CCDC15: variants seen among roughly 807,000 people sequenced by gnomAD.
The protein encoded by CCDC15 is coiled-coil domain-containing protein 15.
CCDC15 carries 105 observed loss-of-function variants against 114.5 expected under a neutral mutation model. That is an observed-to-expected ratio of 0.92 (90% CI 0.78 to 1.08). The LOEUF is 1.08. Ranked by LOEUF, CCDC15 falls within the 50% of genes least tolerant of loss-of-function variation. The pLI, the probability that CCDC15 is intolerant of heterozygous loss-of-function variation, is 0.00. For synonymous variants in CCDC15, 334 were observed against 377.8 expected (o/e 0.88, Z 1.34); for missense variants, 1,105 against 1,093.6 (o/e 1.01, Z -0.15).
intron 13 of CCDC15, among the ~76,000 whole-genome samples, chr11:125,027,881 G>A (rs971620946): frequency 5.3e-5 from 8 of 152,086 alleles, no homozygotes; most frequent in African/African-American, 1.9e-4. Flanking sequence ...TTAGGTTTAA[G>A]TCTTTGATCC....
At chr11:124,992,903 T>A (rs148309431) in intron 10 of CCDC15, among the ~76,000 whole-genome samples, 2 of 152,186 alleles carry the variant, frequency 1.3e-5, no homozygotes, top group African/African-American at 2.4e-5. Context: ...AGGAAAAACA[T>A]TGGAGAAGAG....
chr11:124,961,010 AACT>A (rs1424107825), intron 4 of CCDC15, among the ~76,000 whole-genome samples: 1 of 152,232 alleles, frequency 6.6e-6, no homozygotes, highest in African/African-American at 2.4e-5. Flanking sequence ...TATCATGTTG[AACT>A]ACTATTAAAA....
chr11:124,992,415 C>T (rs1347821821), intron 9 of CCDC15, among the ~76,000 whole-genome samples, 165 bp from the exon 10 acceptor site: 7 of 152,216 alleles, frequency 4.6e-5, no homozygotes, highest in Admixed American at 4.6e-4. Flanking sequence ...TTAAGGTCTA[C>T]ATAGTTGAGC....
At chr11:125,035,332 CTTCT>C (rs1948768456) in intron 13 of CCDC15, among the ~76,000 whole-genome samples, 1 of 151,954 alleles carries the variant, frequency 6.6e-6, no homozygotes, top group Middle Eastern at 3.2e-3. Context: ...TCACAATGAC[CTTCT>C]TTGTCTTTTT....
rs796968365 is a variant in CCDC15 at position 125,027,338 on chromosome 11, T to TTA, written c.2412-11093_2412-11092insTA. Reference sequence around the variant, plus strand: ...ATGCTGTTTTCCATAGTGGTTGCACTAGTTTACATTCCCACTAGCAGTGTA... The same window carrying TTA: ...ATGCTGTTTTCCATAGTGGTTGCACTTAAGTTTACATTCCCACTAGCAGTGTA... On this transcript the variant is annotated intron_variant, in intron 13 of 15. Transcript: ENST00000344762. Among the ~76,000 whole-genome samples, 6 of 152,344 alleles carry TTA rather than the reference T, an allele frequency of 3.9e-5. No homozygotes were observed. In the East Asian group the frequency reaches 7.7e-4, roughly 20 times the overall value.
intron 13 of CCDC15, among the ~76,000 whole-genome samples, chr11:125,027,272 A>G: frequency 6.6e-6 from 1 of 152,280 alleles, no homozygotes; most frequent in East Asian, 1.9e-4. Context: ...GGATTGCTGG[A>G]TGGAATTGCA....
intron 4 of CCDC15, 28 bp from the exon 5 acceptor site, chr11:124,975,067 GT>G (rs774369772): frequency 2.1e-6 from 3 of 1,415,332 alleles, no homozygotes; most frequent in Non-Finnish European, 2.9e-6. Context: ...TCCTGCTTTT[GT>G]TTGCTTTCTT....
chr11:125,029,638 A>T (rs1245099294), intron 13 of CCDC15, among the ~76,000 whole-genome samples: 1 of 152,178 alleles, frequency 6.6e-6, no homozygotes, highest in Non-Finnish European at 1.5e-5. Flanking sequence ...TGGTCATGTG[A>T]TTGTAGCTGG....
intron 4 of CCDC15, among the ~76,000 whole-genome samples, chr11:124,961,651 C>G (rs1947659178): frequency 6.6e-6 from 1 of 152,154 alleles, no homozygotes. Context: ...GCCTCAGCCT[C>G]CTGAGTAGCT....
At chr11:125,005,240 C>T in intron 13 of CCDC15, 28 bp downstream of exon 13, 1 of 980,458 alleles carries the variant, frequency 1.0e-6, no homozygotes, top group East Asian at 2.6e-5. Context: ...CTCTGTGAGC[C>T]TTAAATTGCC....
At chr11:124,982,195 G>C (rs1948082975) in intron 6 of CCDC15, among the ~76,000 whole-genome samples, 1 of 152,084 alleles carries the variant, frequency 6.6e-6, no homozygotes, top group Non-Finnish European at 1.5e-5. Flanking sequence ...TTTCATATGA[G>C]ATGAGTCTCT....
chr11:124,969,517 A>G (rs1947844581), intron 4 of CCDC15, among the ~76,000 whole-genome samples: 1 of 152,162 alleles, frequency 6.6e-6, no homozygotes, highest in African/African-American at 2.4e-5. Context: ...ACTGTTTTCT[A>G]GCATGGTTTA....
intron 1 of CCDC15, 91 bp from the exon 2 acceptor site, chr11:124,954,633 C>G (rs1193267861): frequency 8.8e-7 from 1 of 1,129,984 alleles, no homozygotes; most frequent in South Asian, 1.5e-5. Flanking sequence ...GGGCTTCTCT[C>G]CTTTTCACGG....
Position 124,959,230 on chromosome 11 carries a change from G to A in CCDC15, c.293G>A (p.Arg98Lys). The change falls in exon 3 of 16, where the codon AGA becomes AAA. Residue 98 changes from arginine to lysine, a missense_variant. By Grantham distance (26) the Arg-to-Lys change is conservative. Coordinates refer to ENST00000344762, the MANE Select transcript of CCDC15 (RefSeq NM_025004.3). ...CGAGTAAATCAACAAATTAGGTTGAGAAAAAAGCAACAGCTTCAGAAGTCT... is the reference window on the plus strand; with the variant it reads ...CGAGTAAATCAACAAATTAGGTTGAAAAAAAAGCAACAGCTTCAGAAGTCT... ...KYRVNQQIRLRKKQQLQKSYE... is the reference protein window; with the variant it reads ...KYRVNQQIRLKKKQQLQKSYE... 1 of 1,580,428 alleles carries A rather than the reference G, an allele frequency of 6.3e-7. No individual in the cohort carries two copies. Among genetic ancestry groups the A allele is most frequent in the Admixed American group, 2.0e-5 (1 of 51,258 alleles).
intron 12 of CCDC15, among the ~76,000 whole-genome samples, chr11:125,004,551 A>T (rs1367390539): frequency 6.6e-6 from 1 of 152,022 alleles, no homozygotes; most frequent in Non-Finnish European, 1.5e-5. Flanking sequence ...TGCTCATCGA[A>T]TAGCTTGTGT....
At chr11:125,038,101 G>C (rs946829179) in intron 13 of CCDC15, 1 of 156,916 alleles carries the variant, frequency 6.4e-6, no homozygotes, top group Admixed American at 6.5e-5. Flanking sequence ...TGTATTTTTA[G>C]TAGAGATGGG....
At chr11:125,020,799 A>C (rs1948655785) in intron 13 of CCDC15, among the ~76,000 whole-genome samples, 1 of 152,004 alleles carries the variant, frequency 6.6e-6, no homozygotes, top group Non-Finnish European at 1.5e-5. Flanking sequence ...AAACTTGTTT[A>C]TAGAATAATT....
Position 124,987,900 on chromosome 11 carries a change from G to C in CCDC15, c.1674G>C (p.Gln558His). ...ACTGGAATATTCTACCCAAATGTCA[G>C]GACCAGGATTTTCTACCCAGAGACC... Reference protein sequence around the residue: ...PKDWNILPKCQDQDFLPRDQG... With the variant: ...PKDWNILPKCHDQDFLPRDQG... The change falls in exon 8 of 16, where the codon CAG (glutamine) becomes CAC (histidine). Residue 558 changes from glutamine to histidine, a missense_variant. Coordinates refer to ENST00000344762, the MANE Select transcript of CCDC15 (RefSeq NM_025004.3). 6.2e-7 allele frequency: 1 copy of C among 1,613,792 alleles called. No homozygotes were observed. The highest frequency in any genetic ancestry group is 8.5e-7 in the Non-Finnish European group (1 of 1,179,864).
chr11:125,024,147 CA>C (rs1039086885), intron 13 of CCDC15, among the ~76,000 whole-genome samples: 1 of 152,004 alleles, frequency 6.6e-6, no homozygotes, highest in Non-Finnish European at 1.5e-5. Context: ...TCTATATATG[CA>C]TGTATTCCCA....
Sources: gnomAD v4.1 joint callset for allele counts (sites outside exome capture counted in the v4.1 genomes callset) on GRCh38, gnomAD v4.1.1 for gene constraint, MANE v1.5 for transcripts, NCBI Gene and HGNC (gene_info 2026-07-23, HGNC 2026-07-21) for gene names.